DLG2: variants seen among roughly 807,000 people sequenced by gnomAD.
The protein encoded by DLG2 is disks large homolog 2.
Under a neutral mutation model 132.5 loss-of-function variants are expected in DLG2, and 45 were observed. That is an observed-to-expected ratio of 0.34 (90% CI 0.27 to 0.44). The LOEUF (loss-of-function observed/expected upper bound fraction) is 0.44. DLG2 is among the 20% of genes least tolerant of loss of function. The pLI is 1.00. For missense variants in DLG2, 1,045 were observed against 1,196.9 expected (o/e 0.87, Z 1.87); for synonymous variants, 424 against 419.6 (o/e 1.01, Z -0.13).
intron 11 of DLG2, among the ~76,000 whole-genome samples, chr11:84,004,097 G>A (rs11233874): frequency 4.6e-5 from 7 of 151,934 alleles, no homozygotes; most frequent in Non-Finnish European, 8.8e-5. Context: ...TCTATGACCA[G>A]TATTCCCTGA....
At chr11:84,013,921 A>G (rs1284921377) in intron 11 of DLG2, among the ~76,000 whole-genome samples, 1 of 149,502 alleles carries the variant, frequency 6.7e-6, no homozygotes, top group Non-Finnish European at 1.5e-5. Context: ...AACTTCCTTA[A>G]TTAACCAAAA....
chr11:83,825,855 G>C (rs570759703), intron 17 of DLG2, among the ~76,000 whole-genome samples: 48 of 152,320 alleles, frequency 3.2e-4, no homozygotes, highest in African/African-American at 1.1e-3. Flanking sequence ...TCTGGCATCT[G>C]TGGCACTACG....
At chr11:84,506,079 CTTT>C (rs779039240) in intron 7 of DLG2, among the ~76,000 whole-genome samples, 2 of 107,016 alleles carry the variant, frequency 1.9e-5, no homozygotes. Context: ...AGGCTCAGTT[CTTT>C]TTTTTTTTTT....
At chr11:85,562,920 T>A (rs2077334925) in intron 3 of DLG2, among the ~76,000 whole-genome samples, 1 of 151,622 alleles carries the variant, frequency 6.6e-6, no homozygotes, top group Non-Finnish European at 1.5e-5. Flanking sequence ...GAGAAGGGAG[T>A]GCCTAAGTTA....
chr11:84,916,702 C>A (rs1280372287), intron 6 of DLG2, among the ~76,000 whole-genome samples: 1 of 152,116 alleles, frequency 6.6e-6, no homozygotes, highest in Non-Finnish European at 1.5e-5. Flanking sequence ...TAAATGTTAG[C>A]TAAATGATGT....
chr11:85,565,790 A>G (rs900785370), intron 3 of DLG2, among the ~76,000 whole-genome samples: 13 of 152,114 alleles, frequency 8.5e-5, no homozygotes, highest in Admixed American at 3.9e-4. Context: ...TTTAGCTACT[A>G]TGACTACCGC....
At chr11:85,034,950 C>T (rs546646446) in intron 6 of DLG2, among the ~76,000 whole-genome samples, 28 of 152,156 alleles carry the variant, frequency 1.8e-4, no homozygotes, top group South Asian at 1.0e-3. Flanking sequence ...CTGGGCCATA[C>T]GCCAAAATCT....
At chr11:84,661,477 G>T (rs1436697936) in intron 6 of DLG2, among the ~76,000 whole-genome samples, 1 of 152,226 alleles carries the variant, frequency 6.6e-6, no homozygotes, top group Non-Finnish European at 1.5e-5. Flanking sequence ...CATCTTCAGG[G>T]ATTATAAATA....
chr11:84,006,325 A>T (rs968752594), intron 11 of DLG2, among the ~76,000 whole-genome samples: 2 of 151,606 alleles, frequency 1.3e-5, no homozygotes, highest in African/African-American at 4.8e-5. Context: ...AGGTAAGTTA[A>T]TGGGTGCAAA....
chr11:85,491,722 A>G (rs1226341023), intron 3 of DLG2, among the ~76,000 whole-genome samples: 1 of 152,154 alleles, frequency 6.6e-6, no homozygotes, highest in African/African-American at 2.4e-5. Context: ...ACTGAAAACT[A>G]AAACACTGGT....
intron 21 of DLG2, among the ~76,000 whole-genome samples, chr11:83,511,073 A>AACACACAC (rs142149345): frequency 9.0e-5 from 8 of 88,410 alleles, no homozygotes; most frequent in African/African-American, 3.2e-4. Context: ...CACTTGCTCA[A>AACACACAC]ACACACACAC....
intron 18 of DLG2, among the ~76,000 whole-genome samples, chr11:83,680,094 A>G (rs2153595147): frequency 6.6e-6 from 1 of 152,292 alleles, no homozygotes; most frequent in East Asian, 1.9e-4. Context: ...TGTAAATTTA[A>G]TTGGGAATAA....
intron 6 of DLG2, among the ~76,000 whole-genome samples, chr11:84,763,944 T>C (rs1159496694): frequency 6.6e-6 from 1 of 152,166 alleles, no homozygotes; most frequent in Non-Finnish European, 1.5e-5. Context: ...GGGAGATTTT[T>C]ACTTTATTCC....
chr11:83,866,834 C>T (rs1023979016), intron 16 of DLG2, among the ~76,000 whole-genome samples: 2 of 152,130 alleles, frequency 1.3e-5, no homozygotes, highest in Non-Finnish European at 2.9e-5. Flanking sequence ...CATTGAGCAG[C>T]CCGCAGTATG....
At chr11:84,830,914 T>A (rs1424209598) in intron 6 of DLG2, among the ~76,000 whole-genome samples, 2 of 150,882 alleles carry the variant, frequency 1.3e-5, no homozygotes, top group East Asian at 2.0e-4. Flanking sequence ...GTATAAAACT[T>A]ATAACATTAA....
chr11:84,052,425 C>T (rs1037931486), intron 11 of DLG2, among the ~76,000 whole-genome samples: 10 of 151,416 alleles, frequency 6.6e-5, no homozygotes, highest in African/African-American at 2.4e-4. Context: ...AAAGGACCTC[C>T]CCCAAATTTT....
intron 6 of DLG2, among the ~76,000 whole-genome samples, chr11:84,749,162 C>T (rs1217604258): frequency 6.6e-6 from 1 of 152,164 alleles, no homozygotes; most frequent in East Asian, 1.9e-4. Context: ...TCAGTAAACT[C>T]TGATCTTCCC....
intron 7 of DLG2, among the ~76,000 whole-genome samples, 170 bp from the exon 8 acceptor site, chr11:84,251,461 T>TC (rs1339097477): frequency 2.0e-5 from 3 of 151,972 alleles, no homozygotes; most frequent in African/African-American, 7.2e-5. Flanking sequence ...TTCTGTACCT[T>TC]CCCCCAACTC....
intron 19 of DLG2, among the ~76,000 whole-genome samples, chr11:83,553,369 AC>A (rs2096438157): frequency 6.6e-6 from 1 of 152,144 alleles, no homozygotes; most frequent in Non-Finnish European, 1.5e-5. Flanking sequence ...ATCAAGGACA[AC>A]CTAGATTCAA....
Sources: allele counts gnomAD v4.1 joint callset (sites outside exome capture counted in the v4.1 genomes callset), GRCh38; gene constraint gnomAD v4.1.1; transcripts MANE v1.5; gene names NCBI Gene and HGNC (gene_info 2026-07-23, HGNC 2026-07-21).